KLF11: variants seen among roughly 807,000 people sequenced by gnomAD.
KLF11 encodes the protein KLF transcription factor 11.
Under a neutral mutation model 29.9 loss-of-function variants are expected in KLF11, and 26 were observed. That is an observed-to-expected ratio of 0.87 (90% CI 0.64 to 1.21). The LOEUF (loss-of-function observed/expected upper bound fraction) is 1.21. KLF11 is among the 50% of genes most tolerant of loss of function. The probability of loss-of-function intolerance (pLI) is 0.00; values close to 1 mark genes in which losing one functional copy is unlikely to be tolerated. For missense variants in KLF11, 778 were observed against 665.7 expected (o/e 1.17, Z -1.86); for synonymous variants, 318 against 257.4 (o/e 1.24, Z -2.25).
At chr2:10,044,769 T>C (rs745604977) in intron 1 of KLF11, among the ~76,000 whole-genome samples, 69 of 151,150 alleles carry the variant, frequency 4.6e-4, no homozygotes, top group Non-Finnish European at 8.8e-4. Flanking sequence ...CTCAGAGTAA[T>C]ATCACCCTCT....
rs533476722 is a variant in KLF11, at chr2:10,044,520, G to A, written c.42+762G>A. The A allele has an allele frequency of 1.9e-3, 1,656 of 875,296 alleles. 3 individuals carry two copies. Among genetic ancestry groups the A allele is most frequent in the Admixed American group, 2.2e-3 (35 of 16,156 alleles). The allele number at this position is 875,296 out of a possible 1,614,324, so 54.2% of individuals were successfully genotyped here. A position where few individuals can be genotyped will look rare whatever the true frequency, so the allele number is the denominator to read the frequency against. On this transcript the variant is annotated intron_variant, in intron 1 of 3. Transcript: ENST00000305883. ...TTAGTGGCGCAGCCTGCGGGACAGA[G>A]GCCGGGGATTTGAGGTGGCCTCGTC...
intron 2 of KLF11, among the ~76,000 whole-genome samples, chr2:10,047,082 T>C (rs1309659388): frequency 1.3e-5 from 2 of 152,198 alleles, no homozygotes; most frequent in East Asian, 3.8e-4. Context: ...GGAGAAAGCA[T>C]GTACTTTGAC....
Position 10,054,805 on chromosome 2 carries a change from C to G in KLF11, c.*2298C>G, listed in dbSNP as rs533232107. 1.4e-4 allele frequency: 22 copies of G among 152,520 alleles called. No homozygotes were observed. Among genetic ancestry groups the G allele is most frequent in the African/African-American group, 5.3e-4 (22 of 41,564 alleles). 9.4% of individuals were successfully genotyped at this position (152,520 alleles called of 1,614,324 possible). A position where few individuals can be genotyped will look rare whatever the true frequency, so the allele number is the denominator to read the frequency against. On this transcript the variant is annotated 3_prime_UTR_variant, in exon 4 of 4. Transcript: ENST00000305883. ...CGAGCATGTGTAATGTAACTTTTCT[C>G]TTTGAATCATATAAAACTTGATTTT...
Position 10,046,374 on chromosome 2 carries a change from A to T in KLF11, c.267A>T (p.Ala89=), listed in dbSNP as rs772289549. The T allele has an allele frequency of 5.6e-6, 9 of 1,614,232 alleles. No individual in the cohort carries two copies. In the South Asian group the frequency reaches 9.9e-5, roughly 18 times the overall value. ...GDVTTTVHMD[A]ATPELPKDFH... ...TCACCACCACTGTGCATATGGATGCAGCCACACCTGAACTACCAAAAGACT... is the reference window on the plus strand; with the variant it reads ...TCACCACCACTGTGCATATGGATGCTGCCACACCTGAACTACCAAAAGACT... Residue 89 remains alanine, a synonymous_variant, in exon 2 of 4, where the codon GCA becomes GCT. Coordinates refer to ENST00000305883, the MANE Select transcript of KLF11 (RefSeq NM_003597.5).
chr2:10,048,821 A>T (rs186470772), intron 3 of KLF11, among the ~76,000 whole-genome samples: 9 of 150,704 alleles, frequency 6.0e-5, no homozygotes, highest in African/African-American at 2.2e-4. Context: ...GATAAAATGT[A>T]GTATAGTTCT....
rs937455695 is a variant in KLF11, at chr2:10,051,740, G to A, written c.1259-487G>A. On this transcript the variant is annotated intron_variant, in intron 3 of 3. Transcript: ENST00000305883. Reference sequence around the variant, plus strand: ...CACCGTGTTAGCCAGGATGGTCTCGGTCTTCTGACTTTGTGATCCGCCCGC... The same window carrying A: ...CACCGTGTTAGCCAGGATGGTCTCGATCTTCTGACTTTGTGATCCGCCCGC... Among the ~76,000 whole-genome samples, 10 of 140,598 alleles carry A rather than the reference G, an allele frequency of 7.1e-5. No homozygotes were observed. The East Asian group carries it at 8.8e-4, about 12-fold the overall frequency. 92.2% of individuals were successfully genotyped at this position (140,598 alleles called of 152,430 possible). A position where few individuals can be genotyped will look rare whatever the true frequency, so the allele number is the denominator to read the frequency against.
At chr2:10,045,527 C>T (rs1326634592) in intron 1 of KLF11, among the ~76,000 whole-genome samples, 1 of 152,216 alleles carries the variant, frequency 6.6e-6, no homozygotes, top group African/African-American at 2.4e-5. Flanking sequence ...AGATCCTCTC[C>T]GGGTTCGCGG....
rs1259936370 is a variant in KLF11, at chr2:10,048,565, C to T, written c.1228C>T (p.His410Tyr). The change falls in exon 3 of 4, where the codon CAC (histidine) becomes TAC (tyrosine). Residue 410 changes from histidine (H) to tyrosine (Y), a missense_variant. Transcript: ENST00000305883. Reference protein sequence around the residue: ...GCRKTYFKSSHLKAHLRTHTG... With the variant: ...GCRKTYFKSSYLKAHLRTHTG... The stretch of plus-strand genomic sequence containing the variant: ...CCGGAAGACCTACTTCAAAAGTTCC[C>T]ACCTTAAGGCCCATCTTCGCACTCA... 1.2e-6 allele frequency: 2 copies of T among 1,606,152 alleles called. No homozygotes were observed. Among genetic ancestry groups the T allele is most frequent in the Admixed American group, 3.3e-5 (2 of 60,024 alleles).
Position 10,052,761 on chromosome 2 carries a change from C to T in KLF11, c.*254C>T. ...AAGAAATGGTAGAAAATTTGATAAT[C>T]TGAATCACCAGCATTCAAACAAATA... On this transcript the variant is annotated 3_prime_UTR_variant, in exon 4 of 4. Coordinates refer to ENST00000305883, the MANE Select transcript of KLF11 (RefSeq NM_003597.5). 2.1e-6 allele frequency: 1 copy of T among 483,288 alleles called. No homozygotes were observed. Among genetic ancestry groups the T allele is most frequent in the Admixed American group, 3.8e-5 (1 of 26,544 alleles). The allele number at this position is 483,288 out of a possible 1,614,324, so 29.9% of individuals were successfully genotyped here.
Position 10,043,703 on chromosome 2 carries a change from G to C in KLF11, c.-14G>C, listed in dbSNP as rs1292576368. Reference sequence around the variant, plus strand: ...GCCCCGCGGCCGCTTTGTTGCTCCCGGCCGGCCTGCACGATGCACACGCCG... The same window carrying C: ...GCCCCGCGGCCGCTTTGTTGCTCCCCGCCGGCCTGCACGATGCACACGCCG... On this transcript the variant is annotated 5_prime_UTR_variant, in exon 1 of 4. Coordinates refer to ENST00000305883, the MANE Select transcript of KLF11 (RefSeq NM_003597.5). 3.0e-6 allele frequency: 4 copies of C among 1,317,168 alleles called. No individual in the cohort carries two copies. The highest frequency in any genetic ancestry group is 3.0e-6 in the Non-Finnish European group (3 of 1,015,608). 81.6% of individuals were successfully genotyped at this position (1,317,168 alleles called of 1,614,324 possible).
chr2:10,050,891 C>CATTTTTTTTTTTT (rs1558350563), intron 3 of KLF11, among the ~76,000 whole-genome samples: 1 of 42,038 alleles, frequency 2.4e-5, no homozygotes, highest in African/African-American at 7.5e-5. Flanking sequence ...ATAGATGCTA[C>CATTTTTTTTTTTT]CTTTTTTTTT....
chr2:10,044,840 C>T (rs1363577988), intron 1 of KLF11, among the ~76,000 whole-genome samples: 1 of 152,076 alleles, frequency 6.6e-6, no homozygotes, highest in Non-Finnish European at 1.5e-5. Context: ...TCCCTCCTCC[C>T]CTCCAGATTA....
Position 10,043,759 on chromosome 2 carries a change from G to T in KLF11, c.42+1G>T. On this transcript the variant is annotated splice_donor_variant, in intron 1 of 3. Transcript: ENST00000305883. LOFTEE classifies it high-confidence loss of function. ...CGCAGGCCCAGACGACGCGCGCGCA[G>T]TGAGTGGTGGGGCTGCCGCGGCGGG... 7.3e-7 allele frequency: 1 copy of T among 1,378,770 alleles called. No individual in the cohort carries two copies. The highest frequency in any genetic ancestry group is 3.7e-5 in the East Asian group (1 of 26,742). The allele number at this position is 1,378,770 out of a possible 1,614,324, so 85.4% of individuals were successfully genotyped here. A position where few individuals can be genotyped will look rare whatever the true frequency, so the allele number is the denominator to read the frequency against.
intron 3 of KLF11, among the ~76,000 whole-genome samples, chr2:10,050,666 G>GC (rs918551909): frequency 3.9e-5 from 6 of 151,922 alleles, no homozygotes; most frequent in African/African-American, 1.4e-4. Flanking sequence ...CCGAGATTAC[G>GC]CCACTGCACT....
At chr2:10,044,795 T>A (rs1661134614) in intron 1 of KLF11, among the ~76,000 whole-genome samples, 1 of 151,928 alleles carries the variant, frequency 6.6e-6, no homozygotes, top group Non-Finnish European at 1.5e-5. Context: ...CCGGCTTAGT[T>A]TTCTTTTGGA....
Position 10,046,286 on chromosome 2 carries a change from G to C in KLF11, c.179G>C (p.Arg60Thr), listed in dbSNP as rs1283552063. ...ALVCMSSWGQ[R>T]SQKGDLLRIR... ...GTTTGTATGAGCTCCTGGGGTCAAA[G>C]ATCCCAGAAAGGTGACCTGTTGCGG... The change falls in exon 2 of 4, where the codon AGA (arginine) becomes ACA (threonine). Residue 60 changes from arginine to threonine, a missense_variant. Arg to Thr is a moderately conservative substitution (Grantham distance 71). Coordinates refer to ENST00000305883, the MANE Select transcript of KLF11 (RefSeq NM_003597.5). The C allele has an allele frequency of 1.2e-6, 2 of 1,614,210 alleles. No individual in the cohort carries two copies. Among genetic ancestry groups the C allele is most frequent in the Admixed American group, 1.7e-5 (1 of 60,026 alleles).
rs1361011049 is a variant in KLF11, at chr2:10,052,577, C to T, written c.*70C>T. 6 of 1,523,696 alleles carry T rather than the reference C, an allele frequency of 3.9e-6. No individual in the cohort carries two copies. The African/African-American group carries it at 4.1e-5, about 10-fold the overall frequency. 94.4% of individuals were successfully genotyped at this position (1,523,696 alleles called of 1,614,324 possible). A position where few individuals can be genotyped will look rare whatever the true frequency, so the allele number is the denominator to read the frequency against. On this transcript the variant is annotated 3_prime_UTR_variant, in exon 4 of 4. Coordinates refer to ENST00000305883, the MANE Select transcript of KLF11 (RefSeq NM_003597.5). Reference sequence around the variant, plus strand: ...TTCCAGGAATGGAACTGATGGATTCCTCTCCCACTGCCTCACCCAAAAAAA... The same window carrying T: ...TTCCAGGAATGGAACTGATGGATTCTTCTCCCACTGCCTCACCCAAAAAAA...
chr2:10,046,008 A>G, intron 1 of KLF11, 142 bp from the exon 2 acceptor site: 1 of 933,006 alleles, frequency 1.1e-6, no homozygotes, highest in Non-Finnish European at 1.7e-6. Context: ...CTTTTACTAC[A>G]CCTCGGTGTT....
chr2:10,046,105 G>C, intron 1 of KLF11, 45 bp from the exon 2 acceptor site: 1 of 1,612,084 alleles, frequency 6.2e-7, no homozygotes. Context: ...GGTGGCCTCT[G>C]TATTTCCCCT....
Sources: gnomAD v4.1 joint callset for allele counts (sites outside exome capture counted in the v4.1 genomes callset) on GRCh38, gnomAD v4.1.1 for gene constraint, MANE v1.5 for transcripts, NCBI Gene and HGNC (gene_info 2026-07-23, HGNC 2026-07-21) for gene names.